The following PIP5K1B variants were observed in gnomAD, a reference collection of about 807,000 sequenced individuals.
PIP5K1B encodes the protein phosphatidylinositol 4-phosphate 5-kinase type-1 beta.
PIP5K1B carries 42 observed loss-of-function variants against 67.0 expected under a neutral mutation model. The ratio of observed to expected loss-of-function variants is 0.63; its 90% confidence interval spans 0.49 to 0.81. The LOEUF is 0.81. PIP5K1B is among the 30% of genes least tolerant of loss of function. The probability of loss-of-function intolerance (pLI) is 0.00; values close to 1 mark genes in which losing one functional copy is unlikely to be tolerated. For synonymous variants in PIP5K1B, 214 were observed against 231.4 expected, an observed-to-expected ratio of 0.92 and a Z score of 0.68; for missense variants, 459 against 646.3, an observed-to-expected ratio of 0.71 and a Z score of 3.14.
intron 2 of PIP5K1B, among the ~76,000 whole-genome samples, chr9:68,813,845 G>A (rs896440211): frequency 2.6e-5 from 4 of 152,158 alleles, no homozygotes; most frequent in Admixed American, 2.0e-4. Context: ...GAATTCAATC[G>A]AGTCTCAGAG....
intron 4 of PIP5K1B, among the ~76,000 whole-genome samples, chr9:68,863,428 C>T (rs117216382): frequency 0.011 from 1,654 of 152,186 alleles, 14 homozygotes; most frequent in Non-Finnish European, 0.018. Flanking sequence ...CACACACACA[C>T]GCACACACAC....
At chr9:68,796,801 A>G (rs1056836010) in intron 2 of PIP5K1B, among the ~76,000 whole-genome samples, 18 of 152,328 alleles carry the variant, frequency 1.2e-4, no homozygotes, top group African/African-American at 3.8e-4. Flanking sequence ...ATTTAAGGTC[A>G]CCACCGTTTC....
chr9:68,909,765 T>A (rs1825773373), intron 8 of PIP5K1B, among the ~76,000 whole-genome samples: 1 of 152,210 alleles, frequency 6.6e-6, no homozygotes, highest in Admixed American at 6.5e-5. Flanking sequence ...ATGTCTCCCC[T>A]CATCAGGAGG....
At chr9:68,797,679 A>G (rs1180752614) in intron 2 of PIP5K1B, among the ~76,000 whole-genome samples, 1 of 152,254 alleles carries the variant, frequency 6.6e-6, no homozygotes, top group Non-Finnish European at 1.5e-5. Flanking sequence ...TTAATTGCTT[A>G]GAAATTATGG....
intron 3 of PIP5K1B, among the ~76,000 whole-genome samples, 199 bp downstream of exon 3, chr9:68,818,744 TA>T (rs991317562): frequency 4.0e-5 from 6 of 149,236 alleles, no homozygotes; most frequent in Admixed American, 6.7e-5. Flanking sequence ...CCAGAAGGGT[TA>T]AAAAAAAAAC....
intron 14 of PIP5K1B, among the ~76,000 whole-genome samples, chr9:68,953,713 C>T (rs1034023848): frequency 6.6e-6 from 1 of 150,516 alleles, no homozygotes; most frequent in Admixed American, 6.7e-5. Flanking sequence ...TACTCAGAGG[C>T]TCAGATGGCT....
intron 14 of PIP5K1B, among the ~76,000 whole-genome samples, chr9:68,967,684 A>G (rs912668451): frequency 6.6e-6 from 1 of 152,172 alleles, no homozygotes; most frequent in Non-Finnish European, 1.5e-5. Flanking sequence ...GCTTTCATCA[A>G]GCTTGCTTCT....
At chr9:68,824,111 C>G (rs1246849053) in intron 4 of PIP5K1B, 4 of 518,794 alleles carry the variant, frequency 7.7e-6, no homozygotes, top group Non-Finnish European at 1.5e-5. Flanking sequence ...AGTGAAAAAC[C>G]AAATCCTGTC....
intron 1 of PIP5K1B, among the ~76,000 whole-genome samples, chr9:68,711,109 C>G (rs910367536): frequency 1.3e-5 from 2 of 152,110 alleles, no homozygotes; most frequent in African/African-American, 4.8e-5. Context: ...ATATTTAAGC[C>G]TTCACCATTC....
intron 14 of PIP5K1B, among the ~76,000 whole-genome samples, chr9:68,961,609 G>C (rs1564273686): frequency 1.3e-5 from 2 of 152,244 alleles, no homozygotes; most frequent in East Asian, 3.9e-4. Context: ...CTTTCTTCTT[G>C]GGTTGATTAG....
chr9:68,980,118 G>A (rs1254431015), intron 14 of PIP5K1B, among the ~76,000 whole-genome samples: 2 of 152,204 alleles, frequency 1.3e-5, no homozygotes. Flanking sequence ...GCCACACGCT[G>A]ATACTGTCCA....
intron 14 of PIP5K1B, among the ~76,000 whole-genome samples, chr9:68,982,853 A>C (rs572867992): frequency 6.6e-6 from 1 of 152,116 alleles, no homozygotes; most frequent in East Asian, 1.9e-4. Flanking sequence ...GAATTAGATG[A>C]CTTATTCTTG....
chr9:68,731,625 A>G (rs143528237), intron 1 of PIP5K1B, among the ~76,000 whole-genome samples: 137 of 152,362 alleles, frequency 9.0e-4, no homozygotes, highest in Middle Eastern at 6.8e-3. Context: ...TGGAGGAGCC[A>G]GGCAAACACA....
At chr9:68,997,243 G>T (rs765541965) in intron 15 of PIP5K1B, among the ~76,000 whole-genome samples, 1 of 152,132 alleles carries the variant, frequency 6.6e-6, no homozygotes, top group Non-Finnish European at 1.5e-5. Flanking sequence ...TAGGTCACAG[G>T]GGTCTTAGAA....
chr9:68,869,530 C>T (rs1055047417), intron 5 of PIP5K1B, among the ~76,000 whole-genome samples: 2 of 152,170 alleles, frequency 1.3e-5, no homozygotes, highest in Admixed American at 6.5e-5. Flanking sequence ...GCTAACTGCC[C>T]GTTTTTGTAA....
At chr9:68,838,357 G>C (rs146312144) in intron 4 of PIP5K1B, among the ~76,000 whole-genome samples, 109 of 152,190 alleles carry the variant, frequency 7.2e-4, no homozygotes, top group African/African-American at 2.5e-3. Context: ...GCACAGCCTT[G>C]TCTTACTTGT....
chr9:68,903,375 T>C (rs1825457832), intron 8 of PIP5K1B, among the ~76,000 whole-genome samples: 1 of 152,226 alleles, frequency 6.6e-6, no homozygotes, highest in Non-Finnish European at 1.5e-5. Context: ...CATGTCAACA[T>C]TGTGAATTTG....
intron 14 of PIP5K1B, among the ~76,000 whole-genome samples, chr9:68,988,046 T>C (rs758028496): frequency 3.9e-5 from 6 of 152,166 alleles, no homozygotes; most frequent in Admixed American, 6.6e-5. Flanking sequence ...TATAAAAGGA[T>C]GTCCTTGTTT....
At chr9:68,818,638 A>G (rs1011566497) in intron 3 of PIP5K1B, 93 bp downstream of exon 3, 5 of 152,484 alleles carry the variant, frequency 3.3e-5, no homozygotes, top group African/African-American at 1.2e-4. Context: ...CAAATATTCT[A>G]AAACATATAT....
Sources: allele counts gnomAD v4.1 joint callset (sites outside exome capture counted in the v4.1 genomes callset), GRCh38; gene constraint gnomAD v4.1.1; transcripts MANE v1.5; gene names NCBI Gene and HGNC (gene_info 2026-07-23, HGNC 2026-07-21).